Variants in GALNTL6 observed in about 807,000 individuals in gnomAD.
GALNTL6 encodes polypeptide N-acetylgalactosaminyltransferase like 6.
GALNTL6 carries 46 observed loss-of-function variants against 73.7 expected under a neutral mutation model. The ratio of observed to expected loss-of-function variants is 0.62; its 90% CI spans 0.49 to 0.80. GALNTL6 has a LOEUF of 0.80. Among genes scored for constraint, GALNTL6 ranks in the 30% least tolerant of loss-of-function variants. GALNTL6 has a pLI of 0.00. For synonymous variants in GALNTL6, 259 were observed against 263.7 expected, an observed-to-expected ratio of 0.98 and a Z score of 0.17; for missense variants, 604 against 755.0, an observed-to-expected ratio of 0.80 and a Z score of 2.34.
At chr4:172,539,070 T>C (rs970660522) in intron 5 of GALNTL6, among the ~76,000 whole-genome samples, 2 of 152,178 alleles carry the variant, frequency 1.3e-5, no homozygotes, top group African/African-American at 4.8e-5. Context: ...AGAAAAAATA[T>C]AAGATTTGTT....
At chr4:172,207,691 T>A (rs1736184629) in intron 2 of GALNTL6, among the ~76,000 whole-genome samples, 1 of 152,186 alleles carries the variant, frequency 6.6e-6, no homozygotes, top group Admixed American at 6.5e-5. Context: ...TGTTACTAGC[T>A]ATGTGACCTT....
At chr4:172,034,037 T>C (rs972060182) in intron 2 of GALNTL6, among the ~76,000 whole-genome samples, 58 of 152,282 alleles carry the variant, frequency 3.8e-4, no homozygotes, top group East Asian at 1.2e-3. Flanking sequence ...CTTATACTAC[T>C]GCTAAAATCA....
intron 7 of GALNTL6, among the ~76,000 whole-genome samples, chr4:172,879,780 A>G (rs144818848): frequency 1.5e-3 from 233 of 152,104 alleles, no homozygotes; most frequent in African/African-American, 5.5e-3. Context: ...AAGAGAAATC[A>G]ATGAAATATA....
At chr4:171,890,536 A>G (rs1393751618) in intron 2 of GALNTL6, among the ~76,000 whole-genome samples, 2 of 152,168 alleles carry the variant, frequency 1.3e-5, no homozygotes, top group Non-Finnish European at 2.9e-5. Flanking sequence ...CTGAGGGATG[A>G]ATAAAATAAT....
intron 2 of GALNTL6, among the ~76,000 whole-genome samples, chr4:171,941,304 T>C (rs1403206754): frequency 6.6e-6 from 1 of 152,202 alleles, no homozygotes; most frequent in Non-Finnish European, 1.5e-5. Context: ...CATTTGATCT[T>C]CACCCTTTAT....
At chr4:172,432,745 C>G (rs1042692039) in intron 5 of GALNTL6, among the ~76,000 whole-genome samples, 1 of 151,756 alleles carries the variant, frequency 6.6e-6, no homozygotes, top group Non-Finnish European at 1.5e-5. Flanking sequence ...AAAATCTGGT[C>G]ACAAAAAAAC....
At chr4:172,547,185 G>A (rs4247205) in intron 5 of GALNTL6, among the ~76,000 whole-genome samples, 126,436 of 151,912 alleles carry the variant, frequency 0.83, 52,755 homozygotes, top group Non-Finnish European at 0.87. Context: ...AGGGGTGGGA[G>A]GTGTGAGCAG....
chr4:172,941,043 C>G (rs1243804454), intron 9 of GALNTL6, among the ~76,000 whole-genome samples: 1 of 152,180 alleles, frequency 6.6e-6, no homozygotes, highest in African/African-American at 2.4e-5. Flanking sequence ...CTCAAAAGCT[C>G]TCACAGATGT....
At chr4:172,784,127 A>G (rs1739523153) in intron 5 of GALNTL6, among the ~76,000 whole-genome samples, 1 of 152,152 alleles carries the variant, frequency 6.6e-6, no homozygotes, top group South Asian at 2.1e-4. Context: ...AATAACATAG[A>G]TTAATTTTAA....
intron 2 of GALNTL6, among the ~76,000 whole-genome samples, chr4:171,967,451 T>TTTTTTTTTTTG (rs1739420760): frequency 1.5e-5 from 1 of 67,808 alleles, no homozygotes; most frequent in African/African-American, 4.3e-5. Context: ...CTATGGGTTT[T>TTTTTTTTTTTG]TTTTTTTTTT....
chr4:171,984,151 A>G (rs1239567754), intron 2 of GALNTL6, among the ~76,000 whole-genome samples: 5 of 152,076 alleles, frequency 3.3e-5, no homozygotes, highest in African/African-American at 1.2e-4. Flanking sequence ...GGCCCGTGGG[A>G]AGGAGAGCTT....
chr4:171,994,349 C>A (rs1402851785), intron 2 of GALNTL6, among the ~76,000 whole-genome samples: 1 of 152,082 alleles, frequency 6.6e-6, no homozygotes, highest in Non-Finnish European at 1.5e-5. Flanking sequence ...GTACCCAAAA[C>A]TGATTGACCT....
At chr4:172,558,807 A>C (rs1736236110) in intron 5 of GALNTL6, among the ~76,000 whole-genome samples, 1 of 152,146 alleles carries the variant, frequency 6.6e-6, no homozygotes, top group Non-Finnish European at 1.5e-5. Context: ...TCATTATCTC[A>C]TATGTCGGTT....
At chr4:171,984,890 C>T (rs1165268380) in intron 2 of GALNTL6, among the ~76,000 whole-genome samples, 3 of 152,016 alleles carry the variant, frequency 2.0e-5, no homozygotes, top group African/African-American at 4.8e-5. Flanking sequence ...CTGTGGCTCA[C>T]GCCTGTAATC....
intron 2 of GALNTL6, among the ~76,000 whole-genome samples, chr4:171,922,456 A>G (rs76911809): frequency 0.04 from 6,031 of 152,200 alleles, 349 homozygotes; most frequent in African/African-American, 0.12. Context: ...ACAATCTGGT[A>G]CTAATAAGAA....
chr4:171,969,109 A>T (rs1189093454), intron 2 of GALNTL6, among the ~76,000 whole-genome samples: 2 of 152,132 alleles, frequency 1.3e-5, no homozygotes, highest in Non-Finnish European at 2.9e-5. Context: ...TCCTGGGATT[A>T]CAGGCATGAG....
chr4:172,632,305 G>A (rs766215184), intron 5 of GALNTL6, among the ~76,000 whole-genome samples: 48 of 152,258 alleles, frequency 3.2e-4, no homozygotes, highest in African/African-American at 1.2e-4. Context: ...AGAAGAGGAC[G>A]GGAACATGTG....
At chr4:172,595,968 A>T (rs1445734383) in intron 5 of GALNTL6, among the ~76,000 whole-genome samples, 1 of 152,088 alleles carries the variant, frequency 6.6e-6, no homozygotes, top group Non-Finnish European at 1.5e-5. Context: ...AAAAATAAGC[A>T]TATAAACTTA....
At chr4:172,468,994 C>T (rs1025645811) in intron 5 of GALNTL6, among the ~76,000 whole-genome samples, 2 of 152,134 alleles carry the variant, frequency 1.3e-5, no homozygotes, top group Non-Finnish European at 2.9e-5. Context: ...TTTTATGAGA[C>T]TTAATCCTAA....
Sources: allele counts gnomAD v4.1 joint callset (sites outside exome capture counted in the v4.1 genomes callset), GRCh38; gene constraint gnomAD v4.1.1; transcripts MANE v1.5; gene names NCBI Gene and HGNC (gene_info 2026-07-23, HGNC 2026-07-21).